Variants in THSD7B observed in about 807,000 individuals in gnomAD.
The protein encoded by THSD7B is thrombospondin type-1 domain-containing protein 7B.
In THSD7B, 138 loss-of-function variants were observed where a neutral mutation model predicts 213.6. The observed-to-expected ratio is 0.65, with a 90% CI of 0.56 to 0.74. THSD7B has a LOEUF of 0.74. Ranked by LOEUF, THSD7B falls within the 30% of genes least tolerant of loss-of-function variation. THSD7B has a pLI of 0.00. For synonymous variants in THSD7B, 742 were observed against 687.0 expected (o/e 1.08, Z -1.25); for missense variants, 1,931 against 1,991.5 (o/e 0.97, Z 0.58).
chr2:137,623,998 CA>C (rs1350282330), intron 20 of THSD7B, among the ~76,000 whole-genome samples: 1 of 152,108 alleles, frequency 6.6e-6, no homozygotes, highest in African/African-American at 2.4e-5. Flanking sequence ...CGTATGGAAC[CA>C]AAAAAGAGCC....
intron 14 of THSD7B, among the ~76,000 whole-genome samples, chr2:137,445,515 C>G (rs1384138489): frequency 1.3e-5 from 2 of 151,808 alleles, no homozygotes; most frequent in Non-Finnish European, 2.9e-5. Flanking sequence ...CACAGAAAGA[C>G]AAATACTGTG....
chr2:137,332,571 G>A (rs2104895827), intron 12 of THSD7B, among the ~76,000 whole-genome samples: 1 of 152,274 alleles, frequency 6.6e-6, no homozygotes, highest in South Asian at 2.1e-4. Flanking sequence ...GTATGATTGT[G>A]TTTTGAAATG....
intron 2 of THSD7B, among the ~76,000 whole-genome samples, chr2:136,919,104 T>C (rs1385467043): frequency 6.6e-6 from 1 of 152,190 alleles, no homozygotes; most frequent in East Asian, 1.9e-4. Flanking sequence ...ATTTCCCAAA[T>C]GATGTGTTCC....
intron 10 of THSD7B, among the ~76,000 whole-genome samples, chr2:137,243,266 T>G (rs1207846315): frequency 6.6e-6 from 1 of 152,170 alleles, no homozygotes; most frequent in East Asian, 1.9e-4. Flanking sequence ...TTAATCCTCA[T>G]CCCAAAACTC....
chr2:136,820,123 G>C (rs1043791978), intron 1 of THSD7B, among the ~76,000 whole-genome samples: 1 of 152,112 alleles, frequency 6.6e-6, no homozygotes, highest in Non-Finnish European at 1.5e-5. Context: ...TTTACGGCCA[G>C]TATTTCTCCA....
At chr2:136,771,077 G>A (rs541293729) in intron 1 of THSD7B, among the ~76,000 whole-genome samples, 2 of 152,048 alleles carry the variant, frequency 1.3e-5, no homozygotes, top group African/African-American at 2.4e-5. Flanking sequence ...TATGTATGTG[G>A]GAGTAGTTCA....
intron 15 of THSD7B, among the ~76,000 whole-genome samples, chr2:137,536,384 C>T (rs1680508058): frequency 6.6e-6 from 1 of 151,530 alleles, no homozygotes. Flanking sequence ...CTGAACTGAA[C>T]TCAACTCTAA....
intron 2 of THSD7B, among the ~76,000 whole-genome samples, chr2:137,014,032 T>C (rs1376648319): frequency 6.6e-6 from 1 of 152,206 alleles, no homozygotes; most frequent in African/African-American, 2.4e-5. Context: ...TTCCATTCCC[T>C]TGGGAGAGCT....
Position 137,398,568 on chromosome 2 carries a change from G to A in THSD7B, c.2501-7045G>A, listed in dbSNP as rs532491334. On this transcript the variant is annotated intron_variant, in intron 12 of 27. Coordinates refer to ENST00000409968, the MANE Select transcript of THSD7B (RefSeq NM_001316349.2). Reference sequence around the variant, plus strand: ...TGGGAGAACCACTGCTCTCTTCAAAGCTGTCAGACAGGGACATTTAAGTCT... The same window carrying A: ...TGGGAGAACCACTGCTCTCTTCAAAACTGTCAGACAGGGACATTTAAGTCT... Among the ~76,000 whole-genome samples the A allele has an allele frequency of 8.0e-4, 121 of 151,678 alleles. 1 individual carries two copies. Among genetic ancestry groups the A allele is most frequent in the African/African-American group, 2.8e-3 (116 of 41,430 alleles).
intron 2 of THSD7B, among the ~76,000 whole-genome samples, chr2:137,033,787 T>A (rs922033115): frequency 1.3e-5 from 2 of 151,898 alleles, no homozygotes; most frequent in East Asian, 3.9e-4. Flanking sequence ...TAATTTTTTT[T>A]AACACTTTTT....
intron 14 of THSD7B, among the ~76,000 whole-genome samples, chr2:137,450,602 T>A (rs1424354858): frequency 6.6e-6 from 1 of 152,238 alleles, no homozygotes; most frequent in Non-Finnish European, 1.5e-5. Context: ...CAGGACTAAC[T>A]GTGCACTTTT....
chr2:137,131,683 T>C (rs1190457002), intron 5 of THSD7B, among the ~76,000 whole-genome samples: 1 of 152,208 alleles, frequency 6.6e-6, no homozygotes, highest in Non-Finnish European at 1.5e-5. Context: ...AAATATCAGA[T>C]AGTTGTAGAT....
At chr2:137,469,393 A>G (rs1022607379) in intron 15 of THSD7B, among the ~76,000 whole-genome samples, 1 of 152,212 alleles carries the variant, frequency 6.6e-6, no homozygotes, top group Non-Finnish European at 1.5e-5. Context: ...AGTCATTTGT[A>G]ATGCACATTA....
At chr2:136,789,990 T>C (rs1165281524) in intron 1 of THSD7B, among the ~76,000 whole-genome samples, 1 of 151,996 alleles carries the variant, frequency 6.6e-6, no homozygotes, top group Non-Finnish European at 1.5e-5. Context: ...TTAAACCCAT[T>C]AGGGATCTTT....
chr2:137,658,200 C>G (rs1399938194), intron 24 of THSD7B, among the ~76,000 whole-genome samples: 3 of 152,172 alleles, frequency 2.0e-5, no homozygotes, highest in East Asian at 3.9e-4. Flanking sequence ...TAAAGTTTAT[C>G]CACAAAATAA....
chr2:137,340,455 G>A (rs1248892524), intron 12 of THSD7B, among the ~76,000 whole-genome samples: 1 of 151,790 alleles, frequency 6.6e-6, no homozygotes, highest in East Asian at 1.9e-4. Context: ...AGTTTTTGTG[G>A]TAAGAACATA....
intron 1 of THSD7B, among the ~76,000 whole-genome samples, chr2:136,786,980 G>C (rs1461408363): frequency 6.6e-6 from 1 of 152,136 alleles, no homozygotes; most frequent in Non-Finnish European, 1.5e-5. Context: ...GCAGATTTTA[G>C]CAGTCTTTGA....
chr2:137,353,856 G>GTA (rs1026023637), intron 12 of THSD7B, among the ~76,000 whole-genome samples: 2 of 152,062 alleles, frequency 1.3e-5, no homozygotes, highest in African/African-American at 4.8e-5. Context: ...TGAAAATGAG[G>GTA]TAGAGTAGGC....
At chr2:136,807,412 T>C (rs139794814) in intron 1 of THSD7B, among the ~76,000 whole-genome samples, 163 of 152,302 alleles carry the variant, frequency 1.1e-3, no homozygotes, top group Admixed American at 3.7e-3. Flanking sequence ...TCTTTGGCCA[T>C]TGGGTGTTCT....
Sources: allele counts gnomAD v4.1 joint callset (sites outside exome capture counted in the v4.1 genomes callset), GRCh38; gene constraint gnomAD v4.1.1; transcripts MANE v1.5; gene names NCBI Gene and HGNC (gene_info 2026-07-23, HGNC 2026-07-21).